SFTPB: variants seen among roughly 807,000 people sequenced by gnomAD.
SFTPB encodes the protein surfactant protein B.
A neutral mutation model predicts 51.0 loss-of-function variants in SFTPB; 32 were observed. The ratio of observed to expected loss-of-function variants is 0.63; its 90% CI spans 0.47 to 0.84. The LOEUF (loss-of-function observed/expected upper bound fraction) is 0.84, where lower values mean the gene tolerates loss of function less well. Among genes scored for constraint, SFTPB ranks in the 40% least tolerant of loss-of-function variants. The pLI is 0.00. For missense variants in SFTPB, 431 were observed against 491.2 expected (o/e 0.88, Z 1.16); for synonymous variants, 211 against 208.5 (o/e 1.01, Z -0.10).
rs955981915 is a variant in SFTPB at position 85,662,022 on chromosome 2, G to A, written c.1083+7C>T. The A allele has an allele frequency of 2.5e-6, 4 of 1,593,324 alleles. No homozygotes were observed. Among genetic ancestry groups the A allele is most frequent in the Admixed American group, 3.6e-5 (2 of 55,146 alleles). On this transcript the variant is annotated splice_region_variant and intron_variant, in intron 9 of 10. Coordinates refer to ENST00000519937, the MANE Select transcript of SFTPB (RefSeq NM_000542.5). ...GTCCTAGGACCAACTGGGAGGGGTG[G>A]GTGTACCTGGCAGGTGGTGTGGGCA...
rs369624148 is a variant in SFTPB at position 85,660,038 on chromosome 2, G to A, written c.*20-356C>T. 5.0e-4 allele frequency among the ~76,000 whole-genome samples: 76 copies of A among 152,268 alleles called. 2 individuals carry two copies. In the South Asian group the frequency reaches 0.011, roughly 22 times the overall value. On this transcript the variant is annotated intron_variant, in intron 10 of 10. Coordinates refer to ENST00000519937, the MANE Select transcript of SFTPB (RefSeq NM_000542.5). ...GGCTTCCCCGCCTCAGATGGAAGAAGTGGACTTGGCTGTGAGCTCCAGGAG... is the reference window on the plus strand; with the variant it reads ...GGCTTCCCCGCCTCAGATGGAAGAAATGGACTTGGCTGTGAGCTCCAGGAG...
intron 6 of SFTPB, among the ~76,000 whole-genome samples, chr2:85,664,622 T>C (rs970635956): frequency 6.6e-6 from 1 of 152,128 alleles, no homozygotes; most frequent in Non-Finnish European, 1.5e-5. Context: ...CTGTCACATC[T>C]GGCTAATTTT....
chr2:85,665,658 A>T lies in SFTPB; in HGVS notation c.530T>A (p.Val177Asp). 1 of 1,614,038 alleles carries T rather than the reference A, an allele frequency of 6.2e-7. No homozygotes were observed. Among genetic ancestry groups the T allele is most frequent in the Non-Finnish European group, 8.5e-7 (1 of 1,180,032 alleles). Reference protein sequence around the residue: ...PLPDPLLDKLVLPVLPGALQA... With the variant: ...PLPDPLLDKLDLPVLPGALQA... The stretch of plus-strand genomic sequence containing the variant: ...GAGGGCCCCGGGCAGCACAGGGAGG[A>T]CGAGCTTGTCCAGCAGAGGGTCTGG... The change falls in exon 5 of 11, where the codon GTC becomes GAC. Residue 177 changes from valine to aspartate, a missense_variant. By Grantham distance (152) the Val-to-Asp change is radical. Coordinates refer to ENST00000519937, the MANE Select transcript of SFTPB (RefSeq NM_000542.5).
upstream of SFTPB, chr2:85,668,335 A>G: frequency 1.4e-6 from 1 of 721,024 alleles, no homozygotes; most frequent in South Asian, 1.7e-5. Context: ...CCCAGCAGGA[A>G]CACTCCTGCC....
chr2:85,661,820 C>A (rs1351204616), intron 9 of SFTPB, among the ~76,000 whole-genome samples: 1 of 152,200 alleles, frequency 6.6e-6, no homozygotes, highest in Non-Finnish European at 1.5e-5. Context: ...CCGCACTCCT[C>A]AGGCCATCCC....
intron 9 of SFTPB, 81 bp from the exon 10 acceptor site, chr2:85,661,616 T>A: frequency 1.7e-6 from 2 of 1,168,930 alleles, no homozygotes; most frequent in Non-Finnish European, 2.5e-6. Context: ...AGAACAGCAC[T>A]CACTCCACCT....
At chr2:85,662,537 C>T (rs550651161) in intron 8 of SFTPB, among the ~76,000 whole-genome samples, 5 of 152,222 alleles carry the variant, frequency 3.3e-5, no homozygotes, top group Non-Finnish European at 7.4e-5. Context: ...GACAGGATCT[C>T]GCTTTAAGAA....
At chr2:85,665,016 G>T (rs1278272782) in intron 6 of SFTPB, among the ~76,000 whole-genome samples, 1 of 152,194 alleles carries the variant, frequency 6.6e-6, no homozygotes, top group Non-Finnish European at 1.5e-5. Context: ...GCTGCGTCTT[G>T]TCCGTTTTTG....
intron 4 of SFTPB, 153 bp downstream of exon 4, chr2:85,666,464 T>G: frequency 1.5e-6 from 1 of 676,730 alleles, no homozygotes; most frequent in Non-Finnish European, 2.5e-6. Flanking sequence ...GCTGGGGTGC[T>G]GTGTGTTTGT....
At chr2:85,662,140 T>C in intron 8 of SFTPB, 31 bp from the exon 9 acceptor site, 1 of 1,582,446 alleles carries the variant, frequency 6.3e-7, no homozygotes, top group South Asian at 1.2e-5. Context: ...CTGTGGAGGG[T>C]CCCTTTGCAG....
chr2:85,668,571 C>A, upstream of SFTPB: 1 of 304,570 alleles, frequency 3.3e-6, no homozygotes, highest in African/African-American at 2.1e-5. Context: ...CCTCCCAGGC[C>A]CCCTCTACTC....
At position 85,662,998 on chromosome 2, in the gene SFTPB, G is replaced by C. The variant is rs78352923; in HGVS notation, c.1002+348C>G. On this transcript the variant is annotated intron_variant, in intron 8 of 10. Coordinates refer to ENST00000519937, the MANE Select transcript of SFTPB (RefSeq NM_000542.5). ...AGTGTGGGGGCAGTAAAGGGATCAG[G>C]ACCCTGGAGAGAAGGCTAGTCCCTT... is the stretch of plus-strand genomic sequence containing the variant. 5.7e-4 allele frequency among the ~76,000 whole-genome samples: 87 copies of C among 152,296 alleles called. 1 individual carries two copies. The East Asian group carries it at 0.017, about 29-fold the overall frequency.
chr2:85,665,636 G>A lies in SFTPB; in HGVS notation c.552C>T (p.Ala184=). ...TGTGAGGCCCAGGCCTCGCCTGGAG[G>A]GCCCCGGGCAGCACAGGGAGGACGA... ...DKLVLPVLPG[A]LQARPGPHTQ... Residue 184 remains alanine (A), a synonymous_variant, in exon 5 of 11, where the codon GCC becomes GCT. Transcript: ENST00000519937. 1 of 1,614,048 alleles carries A rather than the reference G, an allele frequency of 6.2e-7. No homozygotes were observed. The highest frequency in any genetic ancestry group is 1.1e-5 in the South Asian group (1 of 91,074).
In SFTPB at chr2:85,667,145, G is replaced by A. The variant is rs748555153; in HGVS notation, c.228C>T (p.Val76=). Residue 76 remains valine, a synonymous_variant, in exon 3 of 11, where the codon GTC becomes GTT. Coordinates refer to ENST00000519937, the MANE Select transcript of SFTPB (RefSeq NM_000542.5). The stretch of plus-strand genomic sequence containing the variant: ...CCTTGGCCATCTTGTTAAGGATGTG[G>A]ACGATGTCCTCACACTCTTGGCATA... The part of the protein sequence containing the change: ...DDLCQECEDI[V]HILNKMAKEA... 3.7e-6 allele frequency: 6 copies of A among 1,613,998 alleles called. No homozygotes were observed. Among genetic ancestry groups the A allele is most frequent in the Admixed American group, 1.7e-5 (1 of 60,020 alleles).
In SFTPB at chr2:85,666,613, T is replaced by C; in HGVS notation, c.393+4A>G. ...CAGGCAGGAGGTGAGCTTGCAGCCC[T>C]CACAGTCTGGTTCTGGAAGTAGTCG... On this transcript the variant is annotated splice_donor_region_variant and intron_variant, in intron 4 of 10. Coordinates refer to ENST00000519937, the MANE Select transcript of SFTPB (RefSeq NM_000542.5). 1 of 1,613,178 alleles carries C rather than the reference T, an allele frequency of 6.2e-7. No individual in the cohort carries two copies. The highest frequency in any genetic ancestry group is 8.5e-7 in the Non-Finnish European group (1 of 1,179,550).
At chr2:85,660,798 A>G (rs1470745533) in intron 10 of SFTPB, among the ~76,000 whole-genome samples, 2 of 152,104 alleles carry the variant, frequency 1.3e-5, no homozygotes, top group Non-Finnish European at 1.5e-5. Context: ...AATGACCACC[A>G]TGTTAGGGGC....
Position 85,665,679 on chromosome 2 carries a change from T to G in SFTPB, c.509A>C (p.Asp170Ala), listed in dbSNP as rs2104408456. ...LPKPLRDPLP[D>A]PLLDKLVLPV... is the part of the protein sequence containing the mutation. ...GAGGACGAGCTTGTCCAGCAGAGGG[T>G]CTGGCAGAGGGTCCCGCAGAGGTTT... The change falls in exon 5 of 11, where the codon GAC (aspartate) becomes GCC (alanine). Residue 170 changes from aspartate (D) to alanine (A), a missense_variant. Asp to Ala is a moderately radical substitution (Grantham distance 126, BLOSUM62 -2). Transcript: ENST00000519937. 6.2e-7 allele frequency: 1 copy of G among 1,614,022 alleles called. No homozygotes were observed.
At chr2:85,666,421 TGTTG>T in intron 4 of SFTPB, 192 bp downstream of exon 4, 1 of 474,752 alleles carries the variant, frequency 2.1e-6, no homozygotes. Context: ...CCAGCTGGGG[TGTTG>T]TGTGTGTGTG....
intron 4 of SFTPB, among the ~76,000 whole-genome samples, chr2:85,666,149 C>A (rs1172395771): frequency 6.6e-6 from 1 of 151,078 alleles, no homozygotes; most frequent in Admixed American, 6.6e-5. Context: ...CACGTAGTTT[C>A]CTAGGCCCTT....
Sources: allele counts gnomAD v4.1 joint callset (sites outside exome capture counted in the v4.1 genomes callset), GRCh38; gene constraint gnomAD v4.1.1; transcripts MANE v1.5; gene names NCBI Gene and HGNC (gene_info 2026-07-23, HGNC 2026-07-21).